The following MMP16 variants were observed in gnomAD, a reference collection of about 807,000 sequenced individuals.
MMP16 encodes the protein matrix metallopeptidase 16, also known as matrix metalloproteinase-16.
A neutral mutation model predicts 67.8 loss-of-function variants in MMP16; 12 were observed. That is an observed-to-expected ratio of 0.18 (90% CI 0.11 to 0.29). The LOEUF (loss-of-function observed/expected upper bound fraction) is 0.29, where lower values mean the gene tolerates loss of function less well. Ranked by LOEUF, MMP16 falls within the 10% of genes least tolerant of loss-of-function variation. The probability of loss-of-function intolerance (pLI) is 1.00; values close to 1 mark genes in which losing one functional copy is unlikely to be tolerated. For synonymous variants in MMP16, 249 were observed against 255.9 expected (o/e 0.97, Z 0.26); for missense variants, 475 against 765.7 (o/e 0.62, Z 4.48).
intron 4 of MMP16, among the ~76,000 whole-genome samples, chr8:88,165,845 A>G (rs886373799): frequency 6.6e-6 from 1 of 152,138 alleles, no homozygotes; most frequent in Non-Finnish European, 1.5e-5. Flanking sequence ...GCATGTAAAC[A>G]TAAGTCTGTT....
chr8:88,298,108 T>A (rs774586490), intron 1 of MMP16, among the ~76,000 whole-genome samples: 2 of 152,224 alleles, frequency 1.3e-5, no homozygotes, highest in African/African-American at 2.4e-5. Context: ...CCTGTGCCTG[T>A]TCAAAGTGAT....
At chr8:88,139,573 C>T (rs1300196612) in intron 4 of MMP16, among the ~76,000 whole-genome samples, 1 of 152,070 alleles carries the variant, frequency 6.6e-6, no homozygotes, top group East Asian at 1.9e-4. Context: ...TTCCACAAAA[C>T]ATGGGAAAAG....
At chr8:88,259,606 TA>T (rs1037744376) in intron 1 of MMP16, among the ~76,000 whole-genome samples, 45 of 143,446 alleles carry the variant, frequency 3.1e-4, no homozygotes, top group South Asian at 1.1e-3. Context: ...AAAATAAAAA[TA>T]AAAAAAAGAA....
chr8:88,082,304 G>C (rs1169438028), intron 6 of MMP16, among the ~76,000 whole-genome samples: 3 of 152,036 alleles, frequency 2.0e-5, no homozygotes, highest in Non-Finnish European at 4.4e-5. Context: ...ATGGGCATCC[G>C]TATTTATTTC....
intron 4 of MMP16, among the ~76,000 whole-genome samples, chr8:88,126,122 A>T (rs1396233508): frequency 6.6e-6 from 1 of 151,904 alleles, no homozygotes. Context: ...AAAAATTTTC[A>T]ATTATCTACT....
At chr8:88,124,573 G>C (rs1312045371) in intron 4 of MMP16, among the ~76,000 whole-genome samples, 1 of 151,930 alleles carries the variant, frequency 6.6e-6, no homozygotes, top group Non-Finnish European at 1.5e-5. Flanking sequence ...CCTAGGAGAC[G>C]ATGGCCACCC....
At chr8:88,059,632 T>C (rs1808372379) in intron 7 of MMP16, among the ~76,000 whole-genome samples, 1 of 152,106 alleles carries the variant, frequency 6.6e-6, no homozygotes, top group Non-Finnish European at 1.5e-5. Flanking sequence ...TAACTGTCCT[T>C]TGAAGGCTGT....
chr8:88,073,833 T>C (rs1008699323), intron 7 of MMP16, among the ~76,000 whole-genome samples: 2 of 152,174 alleles, frequency 1.3e-5, no homozygotes, highest in Non-Finnish European at 2.9e-5. Context: ...TTTAGGCTCT[T>C]GGGTAATATG....
intron 1 of MMP16, among the ~76,000 whole-genome samples, chr8:88,219,180 G>A (rs1809639860): frequency 6.6e-6 from 1 of 151,918 alleles, no homozygotes; most frequent in African/African-American, 2.4e-5. Flanking sequence ...GATCAAGAAA[G>A]ACAAATTAGC....
At chr8:88,250,480 G>C (rs759718799) in intron 1 of MMP16, among the ~76,000 whole-genome samples, 29 of 151,974 alleles carry the variant, frequency 1.9e-4, no homozygotes, top group Admixed American at 5.9e-4. Context: ...TCAAATAAAA[G>C]CTATTTTATT....
At chr8:88,293,314 C>G (rs530936860) in intron 1 of MMP16, among the ~76,000 whole-genome samples, 1 of 151,728 alleles carries the variant, frequency 6.6e-6, no homozygotes, top group Non-Finnish European at 1.5e-5. Context: ...ACCCTTACCC[C>G]GAAACTACTT....
chr8:88,155,924 T>C (rs1808501779), intron 4 of MMP16, among the ~76,000 whole-genome samples: 1 of 152,152 alleles, frequency 6.6e-6, no homozygotes, highest in South Asian at 2.1e-4. Flanking sequence ...CATTCTGTTA[T>C]TACGACTACC....
At chr8:88,168,099 C>T (rs1808742525) in intron 3 of MMP16, 126 bp from the exon 4 acceptor site, 1 of 669,490 alleles carries the variant, frequency 1.5e-6, no homozygotes, top group African/African-American at 1.8e-5. Flanking sequence ...AACACGTATT[C>T]ATTCCTCTTG....
chr8:88,131,716 A>G (rs1385972435), intron 4 of MMP16, among the ~76,000 whole-genome samples: 1 of 151,754 alleles, frequency 6.6e-6, no homozygotes, highest in Non-Finnish European at 1.5e-5. Context: ...TATCCAACCC[A>G]TCTGTCACTA....
At chr8:88,099,474 G>A (rs1208812511) in intron 6 of MMP16, among the ~76,000 whole-genome samples, 1 of 151,798 alleles carries the variant, frequency 6.6e-6, no homozygotes, top group Non-Finnish European at 1.5e-5. Context: ...TGATGACAAT[G>A]TCTAACATCA....
At chr8:88,046,032 T>A (rs1271340828) in intron 9 of MMP16, among the ~76,000 whole-genome samples, 1 of 152,220 alleles carries the variant, frequency 6.6e-6, no homozygotes, top group East Asian at 1.9e-4. Context: ...GGAAGAGATA[T>A]GTTTACATTT....
At chr8:88,210,227 C>G (rs1423275099) in intron 1 of MMP16, among the ~76,000 whole-genome samples, 3 of 152,178 alleles carry the variant, frequency 2.0e-5, no homozygotes. Flanking sequence ...GAGGGCTTCC[C>G]TGACTACTTC....
At chr8:88,317,595 T>C (rs1461298993) in intron 1 of MMP16, among the ~76,000 whole-genome samples, 2 of 152,146 alleles carry the variant, frequency 1.3e-5, no homozygotes, top group East Asian at 1.9e-4. Context: ...AAACCAGCAA[T>C]ATCTCTGAGG....
At chr8:88,254,272 A>G (rs370968460) in intron 1 of MMP16, among the ~76,000 whole-genome samples, 8 of 152,122 alleles carry the variant, frequency 5.3e-5, no homozygotes, top group African/African-American at 1.9e-4. Flanking sequence ...GAACACATGG[A>G]CACGTCCAGG....
Sources: allele counts gnomAD v4.1 joint callset (sites outside exome capture counted in the v4.1 genomes callset), GRCh38; gene constraint gnomAD v4.1.1; transcripts MANE v1.5; gene names NCBI Gene and HGNC (gene_info 2026-07-23, HGNC 2026-07-21).